HSD17B11: variants seen among roughly 807,000 people sequenced by gnomAD.
The protein encoded by HSD17B11 is hydroxysteroid 17-beta dehydrogenase 11, also known as estradiol 17-beta-dehydrogenase 11.
In HSD17B11, 22 loss-of-function variants were observed where a neutral mutation model predicts 27.8. The ratio of observed to expected loss-of-function variants is 0.79; its 90% confidence interval spans 0.56 to 1.13. The LOEUF (loss-of-function observed/expected upper bound fraction) is 1.13. Among genes scored for constraint, HSD17B11 ranks in the 50% most tolerant of loss-of-function variants. The pLI is 0.00. For synonymous variants in HSD17B11, 117 were observed against 132.8 expected (o/e 0.88, Z 0.82); for missense variants, 314 against 351.1 (o/e 0.89, Z 0.84).
At chr4:87,368,995 A>T (rs1443939549) in intron 4 of HSD17B11, among the ~76,000 whole-genome samples, 7 of 152,122 alleles carry the variant, frequency 4.6e-5, no homozygotes, top group African/African-American at 1.7e-4. Context: ...TTTCTTAATA[A>T]ACTTGCTTTC....
At chr4:87,364,449 T>C (rs1016626900) in intron 4 of HSD17B11, among the ~76,000 whole-genome samples, 12 of 152,146 alleles carry the variant, frequency 7.9e-5, no homozygotes, top group African/African-American at 2.7e-4. Context: ...TGAGAGAGCT[T>C]TGGTGTGTAA....
At chr4:87,344,304 T>C (rs62305731) in intron 5 of HSD17B11, among the ~76,000 whole-genome samples, 25,977 of 152,182 alleles carry the variant, frequency 0.17, 2,384 homozygotes, top group African/African-American at 0.23. Flanking sequence ...TGTTTTAAAA[T>C]GATGTTCAAC....
At chr4:87,385,461 G>A (rs553077462) in intron 1 of HSD17B11, among the ~76,000 whole-genome samples, 1 of 152,096 alleles carries the variant, frequency 6.6e-6, no homozygotes, top group Non-Finnish European at 1.5e-5. Context: ...AATGGGTACA[G>A]ATTTTCATCT....
intron 1 of HSD17B11, 26 bp from the exon 2 acceptor site, chr4:87,382,388 G>T: frequency 7.3e-7 from 1 of 1,373,438 alleles, no homozygotes; most frequent in South Asian, 1.2e-5. Flanking sequence ...AAGAGGGCAA[G>T]GTAATAATTG....
At chr4:87,364,467 G>A (rs1735582543) in intron 4 of HSD17B11, among the ~76,000 whole-genome samples, 1 of 152,084 alleles carries the variant, frequency 6.6e-6, no homozygotes, top group Non-Finnish European at 1.5e-5. Flanking sequence ...TAACAACTAG[G>A]TAGGAAATGT....
chr4:87,362,178 G>A (rs1403020792), intron 4 of HSD17B11, among the ~76,000 whole-genome samples: 1 of 152,234 alleles, frequency 6.6e-6, no homozygotes, highest in Non-Finnish European at 1.5e-5. Flanking sequence ...AAGGACACTT[G>A]ACTGACGTCA....
chr4:87,337,257 T>C lies in HSD17B11; in HGVS notation c.*19A>G. ...CATCAACCTAAACCTGGTAAATCAG[T>C]TTTCAGAAAACTAGGTGCTTATTGC... is the stretch of plus-strand genomic sequence containing the variant. On this transcript the variant is annotated 3_prime_UTR_variant, in exon 7 of 7. Coordinates refer to ENST00000358290, the MANE Select transcript of HSD17B11 (RefSeq NM_016245.5). 1 of 1,492,604 alleles carries C rather than the reference T, an allele frequency of 6.7e-7. No individual in the cohort carries two copies. The highest frequency in any genetic ancestry group is 9.3e-7 in the Non-Finnish European group (1 of 1,070,892). The allele number at this position is 1,492,604 out of a possible 1,614,324, so 92.5% of individuals were successfully genotyped here.
chr4:87,364,596 G>A (rs1735583889), intron 4 of HSD17B11, among the ~76,000 whole-genome samples: 1 of 152,186 alleles, frequency 6.6e-6, no homozygotes, highest in Non-Finnish European at 1.5e-5. Flanking sequence ...CTCACTGGGA[G>A]ATGAGACTCT....
chr4:87,377,146 A>AT (rs1412119671), intron 2 of HSD17B11, among the ~76,000 whole-genome samples: 6 of 151,368 alleles, frequency 4.0e-5, no homozygotes, highest in Non-Finnish European at 2.9e-5. Flanking sequence ...AAAGAAAAAT[A>AT]TTTTTAAAAA....
intron 5 of HSD17B11, among the ~76,000 whole-genome samples, chr4:87,357,047 G>C (rs969140705): frequency 6.6e-6 from 1 of 152,206 alleles, no homozygotes; most frequent in South Asian, 2.1e-4. Flanking sequence ...AAAAAAGGAA[G>C]AGTTAGCAAG....
chr4:87,359,835 T>C (rs1735471684), intron 4 of HSD17B11, among the ~76,000 whole-genome samples: 1 of 152,192 alleles, frequency 6.6e-6, no homozygotes, highest in Admixed American at 6.5e-5. Context: ...CAGGTTTATA[T>C]ATGATATATT....
intron 5 of HSD17B11, among the ~76,000 whole-genome samples, chr4:87,354,950 A>AAG (rs1491458308): frequency 1.0e-4 from 1 of 10,048 alleles, no homozygotes; most frequent in African/African-American, 4.8e-4. Flanking sequence ...CCTGGCTCTC[A>AAG]AAAAAAAAAA....
At chr4:87,359,695 T>G (rs1735470065) in intron 4 of HSD17B11, among the ~76,000 whole-genome samples, 1 of 152,186 alleles carries the variant, frequency 6.6e-6, no homozygotes, top group African/African-American at 2.4e-5. Context: ...TTAATCTTCA[T>G]AATACCCCTA....
At chr4:87,371,020 G>A (rs1304276370) in intron 4 of HSD17B11, among the ~76,000 whole-genome samples, 1 of 138,588 alleles carries the variant, frequency 7.2e-6, no homozygotes, top group African/African-American at 3.1e-5. Flanking sequence ...CCAAAGTGCT[G>A]GGATTACAGG....
At chr4:87,357,539 A>G in intron 4 of HSD17B11, 123 bp from the exon 5 acceptor site, 1 of 810,112 alleles carries the variant, frequency 1.2e-6, no homozygotes. Context: ...CCCAGCCCAG[A>G]GCTACTGCAT....
At position 87,391,106 on chromosome 4, in the gene HSD17B11, T is replaced by C; in HGVS notation, c.-36A>G. Reference sequence around the variant, plus strand: ...GCTGCGAGCGTTTGGTGTGTTTTTTTTTTTTTTTACCACTCTAAACTGCTT... The same window carrying C: ...GCTGCGAGCGTTTGGTGTGTTTTTTCTTTTTTTTACCACTCTAAACTGCTT... On this transcript the variant is annotated 5_prime_UTR_variant, in exon 1 of 7. Coordinates refer to ENST00000358290, the MANE Select transcript of HSD17B11 (RefSeq NM_016245.5). The C allele has an allele frequency of 6.5e-7, 1 of 1,530,374 alleles. No individual in the cohort carries two copies. The highest frequency in any genetic ancestry group is 1.4e-5 in the African/African-American group (1 of 71,424). 94.8% of individuals were successfully genotyped at this position (1,530,374 alleles called of 1,614,324 possible).
intron 4 of HSD17B11, among the ~76,000 whole-genome samples, chr4:87,363,072 G>A (rs1158629519): frequency 6.6e-6 from 1 of 152,116 alleles, no homozygotes; most frequent in East Asian, 1.9e-4. Flanking sequence ...GCTAAGCAGA[G>A]TAGCTAATGT....
In HSD17B11 at chr4:87,357,256, T is replaced by C; in HGVS notation, c.695+23A>G. 2.5e-6 allele frequency: 4 copies of C among 1,607,310 alleles called. No individual in the cohort carries two copies. In the Admixed American group the frequency reaches 5.1e-5, roughly 21 times the overall value. Reference sequence around the variant, plus strand: ...GGTATTCATAGCAACCACCAATCCTTTTGTCTCAATTTCTCAACTTACCTT... The same window carrying C: ...GGTATTCATAGCAACCACCAATCCTCTTGTCTCAATTTCTCAACTTACCTT... On this transcript the variant is annotated intron_variant, in intron 5 of 6. Transcript: ENST00000358290.
rs929199971 is a variant in HSD17B11 at position 87,372,615 on chromosome 4, T to C, written c.557+94A>G. 7 of 766,016 alleles carry C rather than the reference T, an allele frequency of 9.1e-6. No individual in the cohort carries two copies. The East Asian group carries it at 1.8e-4, about 20-fold the overall frequency. The allele number at this position is 766,016 out of a possible 1,614,324, so 47.5% of individuals were successfully genotyped here. On this transcript the variant is annotated intron_variant, in intron 4 of 6. Coordinates refer to ENST00000358290, the MANE Select transcript of HSD17B11 (RefSeq NM_016245.5). Reference sequence around the variant, plus strand: ...ATAAACTGGAAAACTTCAAGTCTCTTATGATTATAAAGAGAGTTCTTATTA... The same window carrying C: ...ATAAACTGGAAAACTTCAAGTCTCTCATGATTATAAAGAGAGTTCTTATTA...
Sources: gnomAD v4.1 joint callset for allele counts (sites outside exome capture counted in the v4.1 genomes callset) on GRCh38, gnomAD v4.1.1 for gene constraint, MANE v1.5 for transcripts, NCBI Gene and HGNC (gene_info 2026-07-23, HGNC 2026-07-21) for gene names.